NFIA: variants seen among roughly 807,000 people sequenced by gnomAD.
The protein encoded by NFIA is nuclear factor I A.
Under a neutral mutation model 62.8 loss-of-function variants are expected in NFIA, and 8 were observed. The ratio of observed to expected loss-of-function variants is 0.13; its 90% CI spans 0.07 to 0.23. The LOEUF (loss-of-function observed/expected upper bound fraction) is 0.23, where lower values mean the gene tolerates loss of function less well. Ranked by LOEUF, NFIA falls within the 10% of genes least tolerant of loss-of-function variation. The probability of loss-of-function intolerance (pLI) is 1.00; values close to 1 mark genes in which losing one functional copy is unlikely to be tolerated. For missense variants in NFIA, 410 were observed against 642.1 expected (o/e 0.64, Z 3.91); for synonymous variants, 235 against 238.1 (o/e 0.99, Z 0.12).
At chr1:61,410,265 G>A (rs1363407354) in intron 9 of NFIA, among the ~76,000 whole-genome samples, 3 of 152,134 alleles carry the variant, frequency 2.0e-5, no homozygotes, top group Non-Finnish European at 4.4e-5. Context: ...TGACATCCTG[G>A]TGTCTTAAGA....
intron 2 of NFIA, among the ~76,000 whole-genome samples, chr1:61,188,280 A>G (rs950006560): frequency 1.3e-5 from 2 of 152,044 alleles, no homozygotes; most frequent in Admixed American, 6.6e-5. Context: ...TTACATGACC[A>G]TCTTTAGATT....
rs199566218 is a variant in NFIA at position 61,236,561 on chromosome 1, C to A, written c.560-40959C>A. On this transcript the variant is annotated intron_variant, in intron 2 of 10. Coordinates refer to ENST00000403491, the MANE Select transcript of NFIA (RefSeq NM_001134673.4). ...AGTTGTAGGGCTAACAAACACCTTCCAAGCCACACTTTGGCCTAATAGTAT... is the reference window on the plus strand; with the variant it reads ...AGTTGTAGGGCTAACAAACACCTTCAAAGCCACACTTTGGCCTAATAGTAT... 9.2e-5 allele frequency among the ~76,000 whole-genome samples: 14 copies of A among 152,052 alleles called. No homozygotes were observed. The East Asian group carries it at 2.5e-3, about 27-fold the overall frequency.
intron 2 of NFIA, among the ~76,000 whole-genome samples, chr1:61,104,523 T>C (rs1646563019): frequency 6.6e-6 from 1 of 152,060 alleles, no homozygotes; most frequent in Admixed American, 6.6e-5. Context: ...TGGAGACCTA[T>C]TGATTGTAGG....
At chr1:61,367,689 T>C (rs1423252244) in intron 6 of NFIA, among the ~76,000 whole-genome samples, 1 of 152,206 alleles carries the variant, frequency 6.6e-6, no homozygotes, top group Non-Finnish European at 1.5e-5. Context: ...CCTTGCCTTC[T>C]TTATCAAGGC....
intron 2 of NFIA, among the ~76,000 whole-genome samples, chr1:61,226,456 C>T (rs1654338865): frequency 6.6e-6 from 1 of 152,132 alleles, no homozygotes; most frequent in African/African-American, 2.4e-5. Context: ...TTCATAGTCA[C>T]CTGACCTCTT....
At chr1:61,248,662 C>T (rs1273839397) in intron 2 of NFIA, among the ~76,000 whole-genome samples, 2 of 152,224 alleles carry the variant, frequency 1.3e-5, no homozygotes, top group East Asian at 3.8e-4. Flanking sequence ...CCCCTTACTG[C>T]AGTCCCAACT....
chr1:61,092,838 C>T (rs993609309), intron 2 of NFIA, among the ~76,000 whole-genome samples: 5 of 152,150 alleles, frequency 3.3e-5, no homozygotes, highest in Non-Finnish European at 7.4e-5. Context: ...CCTACTGCTT[C>T]AGAGCAGGTG....
chr1:61,203,634 A>G (rs80092762), intron 2 of NFIA, among the ~76,000 whole-genome samples: 4,184 of 151,936 alleles, frequency 0.028, 171 homozygotes, highest in African/African-American at 0.095. Context: ...CCCATTGTAC[A>G]TGGTTTCTGT....
At chr1:61,421,095 C>T (rs1204749705) in intron 9 of NFIA, among the ~76,000 whole-genome samples, 1 of 152,196 alleles carries the variant, frequency 6.6e-6, no homozygotes, top group Non-Finnish European at 1.5e-5. Flanking sequence ...CACAGCCCAT[C>T]CCAGAGGCCC....
chr1:61,352,346 A>G (rs1662589377), intron 4 of NFIA, 104 bp from the exon 5 acceptor site: 2 of 773,964 alleles, frequency 2.6e-6, no homozygotes, highest in Admixed American at 4.5e-5. Context: ...TCGCTTACAT[A>G]TAAATGCAAA....
chr1:61,328,723 ATT>A (rs35979153), intron 3 of NFIA, among the ~76,000 whole-genome samples: 9 of 108,892 alleles, frequency 8.3e-5, no homozygotes, highest in Admixed American at 2.9e-4. Flanking sequence ...CCGGCCTATA[ATT>A]TTTTTTTTTT....
chr1:61,365,887 G>C (rs945883525), intron 6 of NFIA, among the ~76,000 whole-genome samples: 3 of 152,164 alleles, frequency 2.0e-5, no homozygotes, highest in African/African-American at 7.2e-5. Context: ...AGGCAGCCAG[G>C]CTTACCCAGC....
At chr1:61,118,934 C>T (rs1381531227) in intron 2 of NFIA, among the ~76,000 whole-genome samples, 1 of 151,906 alleles carries the variant, frequency 6.6e-6, no homozygotes, top group Non-Finnish European at 1.5e-5. Flanking sequence ...CCATCCAGAC[C>T]AGAGGAGGAT....
At chr1:61,159,906 T>C (rs1328354495) in intron 2 of NFIA, among the ~76,000 whole-genome samples, 1 of 152,148 alleles carries the variant, frequency 6.6e-6, no homozygotes, top group Non-Finnish European at 1.5e-5. Flanking sequence ...GGTCTCAAAC[T>C]CCTGACCTCA....
intron 4 of NFIA, among the ~76,000 whole-genome samples, chr1:61,348,733 G>A (rs1013063426): frequency 1.2e-4 from 19 of 152,156 alleles, no homozygotes; most frequent in Non-Finnish European, 2.4e-4. Context: ...TGTTCACCAC[G>A]AGCTAGGAGG....
At chr1:61,412,029 G>T (rs994844971) in intron 9 of NFIA, among the ~76,000 whole-genome samples, 1 of 152,010 alleles carries the variant, frequency 6.6e-6, no homozygotes, top group South Asian at 2.1e-4. Flanking sequence ...GGGCAGAGAG[G>T]TAATGCCACC....
At chr1:61,091,844 T>A (rs568440576) in intron 2 of NFIA, among the ~76,000 whole-genome samples, 1 of 151,192 alleles carries the variant, frequency 6.6e-6, no homozygotes, top group South Asian at 2.1e-4. Flanking sequence ...TTCTGGAGAG[T>A]TGTTGTTTTT....
Position 61,458,979 on chromosome 1 carries a change from T to G in NFIA, c.*3659T>G, listed in dbSNP as rs1668423161. Reference sequence around the variant, plus strand: ...AGTATTAAATACACGAAGTTACATTTTTGTTCATGTTTCATTGTCCAGAAA... The same window carrying G: ...AGTATTAAATACACGAAGTTACATTGTTGTTCATGTTTCATTGTCCAGAAA... On this transcript the variant is annotated 3_prime_UTR_variant, in exon 11 of 11. Coordinates refer to ENST00000403491, the MANE Select transcript of NFIA (RefSeq NM_001134673.4). 6.6e-6 allele frequency: 1 copy of G among 152,156 alleles called. No homozygotes were observed. Among genetic ancestry groups the G allele is most frequent in the Non-Finnish European group, 1.5e-5 (1 of 68,038 alleles). The allele number at this position is 152,156 out of a possible 1,614,324, so 9.4% of individuals were successfully genotyped here.
At chr1:61,334,500 A>C in intron 4 of NFIA, among the ~76,000 whole-genome samples, 1 of 141,506 alleles carries the variant, frequency 7.1e-6, no homozygotes. Flanking sequence ...TTTAATAATA[A>C]CCGTAATATG....
Sources: allele counts gnomAD v4.1 joint callset (sites outside exome capture counted in the v4.1 genomes callset), GRCh38; gene constraint gnomAD v4.1.1; transcripts MANE v1.5; gene names NCBI Gene and HGNC (gene_info 2026-07-23, HGNC 2026-07-21).